NR2F1-AS1: variants seen among roughly 807,000 people sequenced by gnomAD.
The protein encoded by NR2F1-AS1 is NR2F1 antisense RNA 1.
At chr5:93,477,061 C>G (rs1457089438) in intron 4 of NR2F1-AS1, among the ~76,000 whole-genome samples, 1 of 151,958 alleles carries the variant, frequency 6.6e-6, no homozygotes. Context: ...AGTGAAACTT[C>G]GGGGAAATAT....
upstream of NR2F1-AS1, chr5:93,584,692 A>C (rs1235277510): frequency 1.9e-5 from 2 of 106,824 alleles, no homozygotes; most frequent in Non-Finnish European, 4.1e-5. Context: ...CGAGGGGAGC[A>C]GGGGTGTTGG....
Position 93,579,589 on chromosome 5 carries a change from G to T in NR2F1-AS1, n.313+878C>A, listed in dbSNP as rs1215065217. ...CTAGGCAAGGCCTCCTCGCTTCCGA[G>T]ACCCCCCAGCCCCCGGGTGCAGTCC... On this transcript the variant is annotated intron_variant and non_coding_transcript_variant, in intron 1 of 5. Coordinates refer to ENST00000660523, the Ensembl canonical transcript of NR2F1-AS1. The surrounding 1 kb of genome is among the most constrained non-coding windows in gnomAD (Gnocchi z 5.1). 6.6e-6 allele frequency among the ~76,000 whole-genome samples: 1 copy of T among 152,114 alleles called. No individual in the cohort carries two copies. The highest frequency in any genetic ancestry group is 1.5e-5 in the Non-Finnish European group (1 of 68,012).
intron 4 of NR2F1-AS1, among the ~76,000 whole-genome samples, chr5:93,447,759 C>T (rs141314825): frequency 2.2e-3 from 336 of 150,906 alleles, no homozygotes; most frequent in African/African-American, 7.5e-3. Flanking sequence ...GCCCACATTG[C>T]GGCACTATTC....
intron 4 of NR2F1-AS1, among the ~76,000 whole-genome samples, chr5:93,491,741 C>T (rs1045581937): frequency 6.6e-6 from 1 of 152,188 alleles, no homozygotes; most frequent in Non-Finnish European, 1.5e-5. Context: ...GACATCAAGG[C>T]TCCTGGTTCT....
intron 4 of NR2F1-AS1, among the ~76,000 whole-genome samples, chr5:93,475,994 T>C (rs1025531737): frequency 1.3e-5 from 2 of 152,212 alleles, no homozygotes; most frequent in Non-Finnish European, 2.9e-5. Context: ...GCAATGAAAG[T>C]TAACAATGCT....
At chr5:93,481,103 C>A (rs1750590693) in intron 4 of NR2F1-AS1, among the ~76,000 whole-genome samples, 1 of 151,890 alleles carries the variant, frequency 6.6e-6, no homozygotes, top group Admixed American at 6.6e-5. Flanking sequence ...CATGATCCAG[C>A]TAGTTGCTGC....
At chr5:93,554,002 T>C (rs1447806851) in intron 3 of NR2F1-AS1, 1 of 152,232 alleles carries the variant, frequency 6.6e-6, no homozygotes, top group Non-Finnish European at 1.5e-5. Context: ...ATAAATACTG[T>C]ATGATTCTTT....
intron 1 of NR2F1-AS1, among the ~76,000 whole-genome samples, chr5:93,573,707 C>T (rs985854181): frequency 6.6e-6 from 1 of 152,182 alleles, no homozygotes; most frequent in Admixed American, 6.5e-5. Flanking sequence ...GATTTATCGC[C>T]TCAGCACAGC....
intron 4 of NR2F1-AS1, among the ~76,000 whole-genome samples, chr5:93,478,621 C>T (rs1750537322): frequency 6.6e-6 from 1 of 152,068 alleles, no homozygotes; most frequent in African/African-American, 2.4e-5. Flanking sequence ...TCAGGCTGGT[C>T]TCAAACTCCT....
chr5:93,451,578 T>G (rs1217578048), intron 4 of NR2F1-AS1, among the ~76,000 whole-genome samples: 1 of 151,982 alleles, frequency 6.6e-6, no homozygotes, highest in African/African-American at 2.4e-5. Flanking sequence ...TATTTTTGTA[T>G]TTTTTGTAGA....
At chr5:93,472,200 T>C (rs777580796) in intron 4 of NR2F1-AS1, among the ~76,000 whole-genome samples, 2 of 151,734 alleles carry the variant, frequency 1.3e-5, no homozygotes, top group Non-Finnish European at 3.0e-5. Flanking sequence ...ACTGTAATGA[T>C]GAGATTGTTC....
At chr5:93,468,548 C>T (rs1051020700) in intron 4 of NR2F1-AS1, among the ~76,000 whole-genome samples, 2 of 151,954 alleles carry the variant, frequency 1.3e-5, no homozygotes, top group African/African-American at 4.8e-5. Context: ...GGATATTAGC[C>T]CTTTGACAGA....
chr5:93,576,557 G>A (rs981852706), intron 1 of NR2F1-AS1, among the ~76,000 whole-genome samples: 2 of 151,780 alleles, frequency 1.3e-5, no homozygotes, highest in African/African-American at 2.4e-5. Flanking sequence ...TTAGATCAAC[G>A]TTCTGATAGG....
At chr5:93,464,137 C>T (rs1174067653) in intron 4 of NR2F1-AS1, among the ~76,000 whole-genome samples, 1 of 152,092 alleles carries the variant, frequency 6.6e-6, no homozygotes, top group African/African-American at 2.4e-5. Context: ...ATGGGAGGAA[C>T]CTGGTAGGGG....
At chr5:93,415,314 G>A (rs1428877486) in intron 4 of NR2F1-AS1, among the ~76,000 whole-genome samples, 1 of 152,104 alleles carries the variant, frequency 6.6e-6, no homozygotes, top group African/African-American at 2.4e-5. Context: ...TAGAGTGGGG[G>A]TCTCATATCC....
chr5:93,507,192 T>G (rs1191634437), intron 4 of NR2F1-AS1, among the ~76,000 whole-genome samples: 3 of 152,132 alleles, frequency 2.0e-5, no homozygotes. Context: ...ACAAGAAAAT[T>G]CTCTTAACCT....
intron 4 of NR2F1-AS1, among the ~76,000 whole-genome samples, chr5:93,473,497 C>T (rs1750413863): frequency 2.6e-5 from 4 of 151,638 alleles, no homozygotes; most frequent in Non-Finnish European, 5.9e-5. Flanking sequence ...GTTACATTCC[C>T]CACACACTTT....
intron 4 of NR2F1-AS1, among the ~76,000 whole-genome samples, chr5:93,552,515 G>C (rs1033149924): frequency 6.6e-6 from 1 of 152,084 alleles, no homozygotes; most frequent in African/African-American, 2.4e-5. Context: ...GGTTAGGCTA[G>C]TTATAATCAG....
At chr5:93,489,924 T>C (rs1392705539) in intron 4 of NR2F1-AS1, among the ~76,000 whole-genome samples, 3 of 152,316 alleles carry the variant, frequency 2.0e-5, no homozygotes, top group African/African-American at 7.2e-5. Flanking sequence ...CCTGCAAATA[T>C]AATCTGCACT....
Sources: allele counts gnomAD v4.1 joint callset (sites outside exome capture counted in the v4.1 genomes callset), GRCh38; gene constraint gnomAD v4.1.1; non-coding constraint Gnocchi (gnomAD v3.1); transcripts MANE v1.5; gene names NCBI Gene and HGNC (gene_info 2026-07-23, HGNC 2026-07-21).